Variants in QSER1 observed in about 807,000 individuals in gnomAD.
The protein encoded by QSER1 is glutamine and serine rich 1.
In QSER1, 49 loss-of-function variants were observed where a neutral mutation model predicts 158.5. That is an observed-to-expected ratio of 0.31 (90% CI 0.25 to 0.39). The LOEUF is 0.39. QSER1 is among the 10% of genes least tolerant of loss of function. The pLI is 1.00. For missense variants in QSER1, 1,754 were observed against 2,010.3 expected (o/e 0.87, Z 2.44); for synonymous variants, 650 against 715.5 (o/e 0.91, Z 1.46).
At chr11:32,907,254 T>G (rs536244144) in intron 1 of QSER1, among the ~76,000 whole-genome samples, 130 of 152,264 alleles carry the variant, frequency 8.5e-4, no homozygotes, top group African/African-American at 3.1e-3. Flanking sequence ...GTAATACAAT[T>G]TTGGATTTTG....
At chr11:32,945,560 T>C (rs1335102223) in intron 4 of QSER1, among the ~76,000 whole-genome samples, 15 of 152,208 alleles carry the variant, frequency 9.9e-5, no homozygotes, top group Admixed American at 6.5e-4. Context: ...TGTTGAATAT[T>C]GGCCCCCACT....
intron 5 of QSER1, 90 bp from the exon 6 acceptor site, chr11:32,955,206 A>T: frequency 5.9e-6 from 4 of 680,702 alleles, no homozygotes; most frequent in Non-Finnish European, 1.0e-5. Context: ...GAGCTAGGGT[A>T]GGCCTTTCAG....
intron 3 of QSER1, among the ~76,000 whole-genome samples, chr11:32,929,456 G>T (rs527866250): frequency 6.6e-6 from 1 of 152,110 alleles, no homozygotes; most frequent in African/African-American, 2.4e-5. Flanking sequence ...CATTCAGAAG[G>T]GCTTGGACTC....
intron 4 of QSER1, among the ~76,000 whole-genome samples, chr11:32,952,072 T>G (rs1852431254): frequency 6.6e-6 from 1 of 152,156 alleles, no homozygotes; most frequent in Non-Finnish European, 1.5e-5. Flanking sequence ...ACTCCTGATC[T>G]CAGGTCATCC....
chr11:32,909,963 A>G (rs1452313292), intron 1 of QSER1, among the ~76,000 whole-genome samples: 3 of 152,174 alleles, frequency 2.0e-5, no homozygotes, highest in African/African-American at 7.2e-5. Flanking sequence ...ATGCTTAAAA[A>G]TCCTTTGGTT....
chr11:32,942,762 C>T (rs1852262766), intron 4 of QSER1, among the ~76,000 whole-genome samples: 1 of 151,960 alleles, frequency 6.6e-6, no homozygotes, highest in African/African-American at 2.4e-5. Flanking sequence ...TTTTCCAATT[C>T]TGTGAAGAAA....
At position 32,935,076 on chromosome 11, in the gene QSER1, A is replaced by C; in HGVS notation, c.3818A>C (p.Glu1273Ala). 6.2e-7 allele frequency: 1 copy of C among 1,614,082 alleles called. No homozygotes were observed. Among genetic ancestry groups the C allele is most frequent in the Non-Finnish European group, 8.5e-7 (1 of 1,179,994 alleles). ...KIKEVEEKQP[E>A]VKTGFIASFL... ...AAAGAGGTGGAGGAAAAACAACCAG[A>C]AGTCAAAACAGGATTTATTGCTTCT... The change falls in exon 4 of 13, where the codon GAA becomes GCA. Residue 1273 changes from glutamate (E) to alanine (A), a missense_variant. This residue lies in a region of QSER1 where 1,707 missense variants were observed against 1,919.6 expected (regional missense o/e 0.89). Transcript: ENST00000650167.
intron 1 of QSER1, among the ~76,000 whole-genome samples, chr11:32,925,529 TA>T: frequency 6.7e-6 from 1 of 148,568 alleles, no homozygotes; most frequent in African/African-American, 2.4e-5. Flanking sequence ...TTTATTTATT[TA>T]TTTATTTATT....
Position 32,934,745 on chromosome 11 carries a change from G to A in QSER1, c.3487G>A (p.Val1163Met), listed in dbSNP as rs781585519. The A allele has an allele frequency of 1.2e-6, 2 of 1,613,914 alleles. No homozygotes were observed. The highest frequency in any genetic ancestry group is 8.5e-7 in the Non-Finnish European group (1 of 1,179,932). Reference protein sequence around the residue: ...EFTLGGDDSGVSMNPARSALA... With the variant: ...EFTLGGDDSGMSMNPARSALA... ...TACCTTAGGGGGTGACGACAGTGGT[G>A]TGTCAATGAACCCAGCTAGGAGTGC... The change falls in exon 4 of 13, where the codon GTG becomes ATG. Residue 1163 changes from valine to methionine, a missense_variant. This residue lies in a region of QSER1 where 1,707 missense variants were observed against 1,919.6 expected (regional missense o/e 0.89). Coordinates refer to ENST00000650167, the MANE Select transcript of QSER1 (RefSeq NM_001076786.3).
chr11:32,919,060 T>C (rs1217249123), intron 1 of QSER1, among the ~76,000 whole-genome samples: 1 of 152,216 alleles, frequency 6.6e-6, no homozygotes, highest in African/African-American at 2.4e-5. Context: ...CTAAAGCCTA[T>C]AGTTTATGCA....
At chr11:32,937,655 A>G (rs1321460551) in intron 4 of QSER1, among the ~76,000 whole-genome samples, 1 of 152,204 alleles carries the variant, frequency 6.6e-6, no homozygotes, top group African/African-American at 2.4e-5. Context: ...CAACTTTATA[A>G]AAAAGGAAAG....
At chr11:32,920,390 A>G (rs1419798785) in intron 1 of QSER1, among the ~76,000 whole-genome samples, 2 of 152,220 alleles carry the variant, frequency 1.3e-5, no homozygotes, top group Non-Finnish European at 2.9e-5. Context: ...TGGATCTGTC[A>G]TCCTAAATGT....
chr11:32,903,158 C>A (rs1477447301), intron 1 of QSER1, among the ~76,000 whole-genome samples: 2 of 151,992 alleles, frequency 1.3e-5, no homozygotes, highest in Admixed American at 6.6e-5. Flanking sequence ...AAATTAGAAT[C>A]ATTTTCCCAG....
intron 11 of QSER1, among the ~76,000 whole-genome samples, chr11:32,974,425 CAAAA>C (rs34050306): frequency 1.1e-5 from 1 of 91,816 alleles, no homozygotes; most frequent in Non-Finnish European, 2.4e-5. Flanking sequence ...GACACTGTCT[CAAAA>C]AAAAAAAAAA....
intron 4 of QSER1, among the ~76,000 whole-genome samples, chr11:32,952,387 C>T (rs1852436907): frequency 1.3e-5 from 1 of 74,438 alleles, no homozygotes; most frequent in Non-Finnish European, 3.3e-5. Flanking sequence ...TGCTCCTATG[C>T]TGTTTTCTAT....
chr11:32,898,822 C>A (rs191764854), intron 1 of QSER1, among the ~76,000 whole-genome samples: 94 of 152,336 alleles, frequency 6.2e-4, no homozygotes, highest in Non-Finnish European at 1.1e-3. Context: ...AGTCTTCCTG[C>A]CTTGGCCTCT....
In QSER1 at chr11:32,893,164, G is replaced by A; in HGVS notation, c.39G>A (p.Pro13=). 7.2e-6 allele frequency: 1 copy of A among 139,806 alleles called. No individual in the cohort carries two copies. Among genetic ancestry groups the A allele is most frequent in the Non-Finnish European group, 1.5e-5 (1 of 64,936 alleles). 8.7% of individuals were successfully genotyped at this position (139,806 alleles called of 1,614,324 possible). A position where few individuals can be genotyped will look rare whatever the true frequency, so the allele number is the denominator to read the frequency against. Residue 13 remains proline, a synonymous_variant, in exon 1 of 13, where the codon CCG becomes CCA. Coordinates refer to ENST00000650167, the MANE Select transcript of QSER1 (RefSeq NM_001076786.3). The surrounding 1 kb of genome is among the most constrained non-coding windows in gnomAD (Gnocchi z 4.7). ...RNYATSGFTE[P]PPPPPPAPPA... ...ACGCGACCTCGGGCTTCACCGAGCC[G>A]CCGCCGCCGCCGCCGCCCGCGCCCC... is the stretch of plus-strand genomic sequence containing the variant.
At chr11:32,927,004 G>A (rs1389492622) in intron 1 of QSER1, 153 bp from the exon 2 acceptor site, 7 of 152,478 alleles carry the variant, frequency 4.6e-5, no homozygotes, top group Non-Finnish European at 7.3e-5. Flanking sequence ...CCTCCATTGT[G>A]ATAGTATTGT....
At chr11:32,930,549 G>A (rs958888486) in intron 3 of QSER1, among the ~76,000 whole-genome samples, 3 of 152,072 alleles carry the variant, frequency 2.0e-5, no homozygotes, top group Non-Finnish European at 4.4e-5. Flanking sequence ...TATATAAAGT[G>A]GAAAGTGATA....
Sources: gnomAD v4.1 joint callset for allele counts (sites outside exome capture counted in the v4.1 genomes callset) on GRCh38, gnomAD v4.1.1 for gene constraint, gnomAD v4.1.1 regional missense constraint, Gnocchi (gnomAD v3.1) non-coding constraint, MANE v1.5 for transcripts, NCBI Gene and HGNC (gene_info 2026-07-23, HGNC 2026-07-21) for gene names.